The following MAP4 variants were observed in gnomAD, a reference collection of about 807,000 sequenced individuals.
MAP4 encodes microtubule-associated protein 4.
Under a neutral mutation model 170.2 loss-of-function variants are expected in MAP4, and 76 were observed. That is an observed-to-expected ratio of 0.45 (90% CI 0.37 to 0.54). The LOEUF is 0.54. MAP4 is among the 20% of genes least tolerant of loss of function. The pLI, the probability that MAP4 is intolerant of heterozygous loss-of-function variation, is 0.00. For synonymous variants in MAP4, 909 were observed against 994.5 expected (o/e 0.91, Z 1.62); for missense variants, 2,506 against 2,748.0 (o/e 0.91, Z 1.97).
At position 47,871,031 on chromosome 3, in the gene MAP4, C is replaced by A; in HGVS notation, c.6076G>T (p.Ala2026Ser). ...ACTCGGCTGGGAACCACCCCTGCAG[C>A]GGGGGCTGTCCCACTGAGAGTGGTG... ...KTTTLSGTAP[A>S]AGVVPSRVKA... Residue 2026 changes from alanine (A) to serine (S), a missense_variant, in exon 15 of 21, where the codon GCT becomes TCT. Transcript: ENST00000683076. The A allele has an allele frequency of 6.2e-7, 1 of 1,613,836 alleles. No individual in the cohort carries two copies. Among genetic ancestry groups the A allele is most frequent in the South Asian group, 1.1e-5 (1 of 91,048 alleles).
chr3:47,909,109 C>T lies in MAP4; in HGVS notation c.5312G>A (p.Arg1771Gln), dbSNP rs200509470. Residue 1771 changes from arginine to glutamine, a missense_variant, in exon 9 of 21, where the codon CGA becomes CAA. By Grantham distance (43) the Arg-to-Gln change is conservative. Transcript: ENST00000683076. Reference protein sequence around the residue: ...MKGYMRPTKSRGLTPLLPKST... With the variant: ...MKGYMRPTKSQGLTPLLPKST... ...CTTTGGCAAAAGTGGAGTAAGTCCT[C>T]GGGACTTGGTGGGTCTCATGTAGCC... The T allele has an allele frequency of 1.1e-5, 18 of 1,613,738 alleles. No homozygotes were observed. The highest frequency in any genetic ancestry group is 1.6e-4 in the Middle Eastern group (1 of 6,084).
In MAP4 at chr3:47,909,377, A is replaced by G; in HGVS notation, c.5044T>C (p.Leu1682=). 6.2e-7 allele frequency: 1 copy of G among 1,613,922 alleles called. No homozygotes were observed. Among genetic ancestry groups the G allele is most frequent in the Non-Finnish European group, 8.5e-7 (1 of 1,179,846 alleles). Residue 1682 remains leucine (L), a synonymous_variant, in exon 9 of 21, where the codon TTG becomes CTG. Coordinates refer to ENST00000683076, the MANE Select transcript of MAP4 (RefSeq NM_001385682.1). ...GGTGTTGGCAAGGAAACGCTTTCCA[A>G]TTCCGTGATTTTACAAGCCAGACTA... ...EISLACKITE[L]ESVSLPTPEI... is the part of the protein sequence containing the mutation.
chr3:47,865,833 T>C (rs1576767137), intron 17 of MAP4, among the ~76,000 whole-genome samples: 1 of 152,192 alleles, frequency 6.6e-6, no homozygotes, highest in Non-Finnish European at 1.5e-5. Flanking sequence ...GTACCACTTT[T>C]CTAGGCACTG....
At chr3:47,977,974 A>G in intron 2 of MAP4, 41 bp from the exon 3 acceptor site, 1 of 1,370,400 alleles carries the variant, frequency 7.3e-7, no homozygotes, top group South Asian at 1.2e-5. Context: ...GACAGACAGA[A>G]AAATGAAAAA....
chr3:47,912,217 C>G lies in MAP4; in HGVS notation c.2204G>C (p.Gly735Ala). The G allele has an allele frequency of 6.5e-7, 1 of 1,536,096 alleles. No individual in the cohort carries two copies. The highest frequency in any genetic ancestry group is 1.2e-5 in the South Asian group (1 of 84,056). The stretch of plus-strand genomic sequence containing the variant: ...AATACTTTTTCTTTGGTTCCCAGGC[C>G]CACCACAGGAGGATGAACCAGAGAC... ...GWVSGSSSCGGPGNQRKSIHV... is the reference protein window; with the variant it reads ...GWVSGSSSCGAPGNQRKSIHV... The change falls in exon 9 of 21, where the codon GGG becomes GCG. Residue 735 changes from glycine (G) to alanine (A), a missense_variant. This residue lies in a region of MAP4 where 2,008 missense variants were observed against 2,206.0 expected (regional missense o/e 0.91). Coordinates refer to ENST00000683076, the MANE Select transcript of MAP4 (RefSeq NM_001385682.1).
chr3:48,080,562 T>C (rs533102263), intron 1 of MAP4, among the ~76,000 whole-genome samples: 1 of 152,280 alleles, frequency 6.6e-6, no homozygotes, highest in African/African-American at 2.4e-5. Flanking sequence ...GAATAGGTCA[T>C]TTGGCCAGGA....
At chr3:47,962,102 C>T (rs2100071910) in intron 3 of MAP4, among the ~76,000 whole-genome samples, 1 of 152,164 alleles carries the variant, frequency 6.6e-6, no homozygotes, top group South Asian at 2.1e-4. Context: ...CAGAAACTTC[C>T]AGCCCCTTTT....
intron 1 of MAP4, among the ~76,000 whole-genome samples, chr3:48,003,853 G>T (rs1021843360): frequency 3.3e-5 from 5 of 152,120 alleles, no homozygotes; most frequent in Non-Finnish European, 7.3e-5. Flanking sequence ...TCAGCCACCA[G>T]CGAACATAAA....
At chr3:48,062,494 T>TAAAAAAAAAA (rs1156947592) in intron 1 of MAP4, among the ~76,000 whole-genome samples, 1 of 81,528 alleles carries the variant, frequency 1.2e-5, no homozygotes, top group Non-Finnish European at 2.2e-5. Context: ...GAATGATCAA[T>TAAAAAAAAAA]AAAAAAAAAA....
chr3:47,853,226 T>C lies in MAP4; in HGVS notation c.6823A>G (p.Thr2275Ala). The change falls in exon 20 of 21, where the codon ACC becomes GCC. Residue 2275 changes from threonine to alanine, a missense_variant. This residue lies in a region of MAP4 where 487 missense variants were observed against 511.6 expected (regional missense o/e 0.95). Transcript: ENST00000683076. ...CTTTGGTCACCACCCCCTGACAGGG[T>C]GGGGTGGCCATTGAGGCCACTGGCT... is the stretch of plus-strand genomic sequence containing the variant. ...TSASGLNGHP[T>A]LSGGGDQREA... 1 of 1,581,252 alleles carries C rather than the reference T, an allele frequency of 6.3e-7. No homozygotes were observed. The highest frequency in any genetic ancestry group is 1.2e-5 in the South Asian group (1 of 86,636).
At chr3:47,892,492 C>T (rs915278371) in intron 10 of MAP4, 81 of 1,522,486 alleles carry the variant, frequency 5.3e-5, no homozygotes, top group Middle Eastern at 1.7e-4. Flanking sequence ...AGAGCGACAT[C>T]GTCTCTCCTC....
intron 2 of MAP4, among the ~76,000 whole-genome samples, chr3:47,988,020 C>T (rs2100089855): frequency 6.6e-6 from 1 of 152,002 alleles, no homozygotes; most frequent in South Asian, 2.1e-4. Flanking sequence ...CGGTGAAACC[C>T]CGTCTCTACT....
At chr3:47,969,240 T>C (rs1472346233) in intron 3 of MAP4, among the ~76,000 whole-genome samples, 3 of 152,034 alleles carry the variant, frequency 2.0e-5, no homozygotes, top group Non-Finnish European at 4.4e-5. Context: ...AAACCCCATC[T>C]CTACTAAAAA....
At chr3:47,953,760 TC>T (rs1415642949) in intron 3 of MAP4, among the ~76,000 whole-genome samples, 1 of 152,136 alleles carries the variant, frequency 6.6e-6, no homozygotes, top group Non-Finnish European at 1.5e-5. Context: ...ACACCTGTAA[TC>T]CCAGTACTTT....
chr3:47,891,792 G>C (rs1160976283), intron 10 of MAP4: 14 of 1,536,446 alleles, frequency 9.1e-6, no homozygotes, highest in Non-Finnish European at 1.2e-5. Flanking sequence ...AGAGACACCA[G>C]GAGTGGGGAC....
chr3:48,067,742 C>A (rs543938995), intron 1 of MAP4, among the ~76,000 whole-genome samples: 3 of 151,268 alleles, frequency 2.0e-5, no homozygotes, highest in East Asian at 1.9e-4. Flanking sequence ...TGGGTTCAAG[C>A]GATTCTCCTG....
At chr3:47,980,771 T>C (rs1416184863) in intron 2 of MAP4, among the ~76,000 whole-genome samples, 1 of 152,206 alleles carries the variant, frequency 6.6e-6, no homozygotes, top group Non-Finnish European at 1.5e-5. Flanking sequence ...CCCTTTCACA[T>C]TCACACAATA....
chr3:48,050,088 C>T (rs1350771233), intron 1 of MAP4, among the ~76,000 whole-genome samples: 1 of 150,418 alleles, frequency 6.6e-6, no homozygotes, highest in Non-Finnish European at 1.5e-5. Flanking sequence ...GGTGAAACCC[C>T]GTCTCTACTA....
At chr3:47,988,685 A>T (rs1408349252) in intron 2 of MAP4, among the ~76,000 whole-genome samples, 2 of 152,066 alleles carry the variant, frequency 1.3e-5, no homozygotes, top group Non-Finnish European at 2.9e-5. Flanking sequence ...CTGAACATAC[A>T]TCTAATAATT....
Sources: gnomAD v4.1 joint callset for allele counts (sites outside exome capture counted in the v4.1 genomes callset) on GRCh38, gnomAD v4.1.1 for gene constraint, gnomAD v4.1.1 regional missense constraint, MANE v1.5 for transcripts, NCBI Gene and HGNC (gene_info 2026-07-23, HGNC 2026-07-21) for gene names.